The following MCC variants were observed in gnomAD, a reference collection of about 807,000 sequenced individuals.
MCC encodes colorectal mutant cancer protein.
MCC carries 90 observed loss-of-function variants against 116.2 expected under a neutral mutation model. That is an observed-to-expected ratio of 0.77 (90% confidence interval 0.65 to 0.92). MCC has a LOEUF of 0.92. Ranked by LOEUF, MCC falls within the 40% of genes least tolerant of loss-of-function variation. MCC has a pLI of 0.00. For synonymous variants in MCC, 578 were observed against 510.5 expected, an observed-to-expected ratio of 1.13 and a Z score of -1.78; for missense variants, 1,516 against 1,312.2, an observed-to-expected ratio of 1.16 and a Z score of -2.40.
rs138502088 is a variant in MCC, at chr5:113,130,314, C to T, written c.885-7488G>A. On this transcript the variant is annotated intron_variant, in intron 5 of 18. Coordinates refer to ENST00000408903, the MANE Select transcript of MCC (RefSeq NM_001085377.2). ...GAACATATGGGCACAGGGAGGGGAA[C>T]ATCACACACTGGGGCCTGTCTGGGG... Among the ~76,000 whole-genome samples, 1,160 of 152,200 alleles carry T rather than the reference C, an allele frequency of 7.6e-3. 18 individuals are homozygous for T. Among genetic ancestry groups the T allele is most frequent in the African/African-American group, 0.026 (1,069 of 41,524 alleles).
intron 13 of MCC, among the ~76,000 whole-genome samples, chr5:113,064,439 G>C (rs1176433324): frequency 6.6e-6 from 1 of 152,224 alleles, no homozygotes; most frequent in Non-Finnish European, 1.5e-5. Flanking sequence ...CCACATTTCT[G>C]TTTCCAGCTC....
intron 3 of MCC, among the ~76,000 whole-genome samples, chr5:113,329,091 G>A (rs764404447): frequency 1.3e-5 from 2 of 152,094 alleles, no homozygotes; most frequent in African/African-American, 2.4e-5. Flanking sequence ...AATTTCTCAC[G>A]GGTAAATGGG....
chr5:113,097,644 T>C (rs1756108856), intron 8 of MCC, among the ~76,000 whole-genome samples: 1 of 152,170 alleles, frequency 6.6e-6, no homozygotes, highest in Non-Finnish European at 1.5e-5. Context: ...CAGACGGGAC[T>C]ATGGCCAAAT....
chr5:113,087,577 GA>G (rs1561797024), intron 8 of MCC, among the ~76,000 whole-genome samples: 1 of 152,104 alleles, frequency 6.6e-6, no homozygotes, highest in Non-Finnish European at 1.5e-5. Flanking sequence ...GGGACTGGGG[GA>G]AACCTCCCGG....
chr5:113,049,056 T>C, intron 16 of MCC, 37 bp downstream of exon 16: 2 of 1,598,130 alleles, frequency 1.3e-6, no homozygotes. Flanking sequence ...GGGCAGTCAC[T>C]GAGCCTAAGG....
intron 3 of MCC, among the ~76,000 whole-genome samples, chr5:113,261,069 T>C (rs1765203036): frequency 6.6e-6 from 1 of 152,182 alleles, no homozygotes; most frequent in Non-Finnish European, 1.5e-5. Flanking sequence ...CGACTTACGA[T>C]GGGGTCACAT....
At chr5:113,249,126 G>A (rs886538617) in intron 3 of MCC, among the ~76,000 whole-genome samples, 5 of 146,614 alleles carry the variant, frequency 3.4e-5, no homozygotes, top group Admixed American at 2.0e-4. Flanking sequence ...ACAGGCGTGA[G>A]CCACCGCACC....
chr5:113,132,646 T>G (rs1174577268), intron 5 of MCC, among the ~76,000 whole-genome samples: 1 of 152,210 alleles, frequency 6.6e-6, no homozygotes, highest in Non-Finnish European at 1.5e-5. Flanking sequence ...CTTAATGAAG[T>G]AATCCAAAAT....
intron 8 of MCC, 158 bp downstream of exon 8, chr5:113,101,581 G>A (rs750952028): frequency 6.2e-5 from 42 of 676,268 alleles, no homozygotes; most frequent in Non-Finnish European, 9.7e-5. Context: ...TAGCAATTTC[G>A]AACTACTTTC....
chr5:113,142,545 A>T (rs1361401589), intron 5 of MCC, among the ~76,000 whole-genome samples: 3 of 151,860 alleles, frequency 2.0e-5, no homozygotes, highest in Non-Finnish European at 4.4e-5. Context: ...AAAAGCAGAG[A>T]TATTCTGGGT....
intron 3 of MCC, among the ~76,000 whole-genome samples, chr5:113,169,569 CCAGT>C (rs1760964499): frequency 6.6e-6 from 1 of 152,052 alleles, no homozygotes; most frequent in Admixed American, 6.6e-5. Context: ...TCATTAAGAC[CCAGT>C]CAAACTGCTC....
chr5:113,446,187 C>A (rs1771214125), intron 1 of MCC, among the ~76,000 whole-genome samples: 1 of 152,068 alleles, frequency 6.6e-6, no homozygotes, highest in Non-Finnish European at 1.5e-5. Context: ...TGAACAATGA[C>A]CTTGGGAAAT....
chr5:113,039,583 C>A (rs977173177), intron 17 of MCC, among the ~76,000 whole-genome samples: 1 of 152,200 alleles, frequency 6.6e-6, no homozygotes, highest in Non-Finnish European at 1.5e-5. Flanking sequence ...CATCGGCAAG[C>A]AAGCCCAATG....
chr5:113,124,859 T>C (rs982824876), intron 5 of MCC, among the ~76,000 whole-genome samples: 1 of 152,228 alleles, frequency 6.6e-6, no homozygotes, highest in African/African-American at 2.4e-5. Flanking sequence ...ACAAAGATGT[T>C]CACAAGAAGG....
At chr5:113,039,610 G>A (rs559396407) in intron 17 of MCC, among the ~76,000 whole-genome samples, 14 of 152,226 alleles carry the variant, frequency 9.2e-5, no homozygotes, top group African/African-American at 3.4e-4. Context: ...GCACATGTGG[G>A]GCACAAGGGG....
At chr5:113,339,242 T>A (rs914150333) in intron 3 of MCC, among the ~76,000 whole-genome samples, 2 of 149,170 alleles carry the variant, frequency 1.3e-5, no homozygotes, top group African/African-American at 2.5e-5. Context: ...AAAAAACAAA[T>A]AGTTTTAGAC....
chr5:113,203,806 G>C (rs1762795258), intron 3 of MCC, among the ~76,000 whole-genome samples: 1 of 152,188 alleles, frequency 6.6e-6, no homozygotes, highest in African/African-American at 2.4e-5. Flanking sequence ...TTTGCTATTA[G>C]ATTTCTTTGC....
intron 12 of MCC, among the ~76,000 whole-genome samples, chr5:113,068,697 C>T (rs115760040): frequency 1.1e-3 from 162 of 152,340 alleles, no homozygotes; most frequent in African/African-American, 3.8e-3. Context: ...GGCCAGCTGT[C>T]GTGTCTTCAA....
At position 113,294,268 on chromosome 5, in the gene MCC, G is replaced by A. The variant is rs373226676; in HGVS notation, c.627+46251C>T. 154 of 1,611,062 alleles carry A rather than the reference G, an allele frequency of 9.6e-5. No individual in the cohort carries two copies. In the African/African-American group the frequency reaches 1.5e-3, roughly 16 times the overall value. The stretch of plus-strand genomic sequence containing the variant: ...GGGCTGTGGGGAGGTCGAGGGGAGG[G>A]GGATTTGTGGAAAAGCAAACGCCCG... On this transcript the variant is annotated intron_variant, in intron 3 of 18. Coordinates refer to ENST00000408903, the MANE Select transcript of MCC (RefSeq NM_001085377.2).
Sources: allele counts gnomAD v4.1 joint callset (sites outside exome capture counted in the v4.1 genomes callset), GRCh38; gene constraint gnomAD v4.1.1; transcripts MANE v1.5; gene names NCBI Gene and HGNC (gene_info 2026-07-23, HGNC 2026-07-21).